MYBPC1: variants seen among roughly 807,000 people sequenced by gnomAD.
The protein encoded by MYBPC1 is myosin binding protein C1, also known as myosin-binding protein C, slow-type.
MYBPC1 carries 52 observed loss-of-function variants against 147.1 expected under a neutral mutation model. That is an observed-to-expected ratio of 0.35 (90% CI 0.28 to 0.45). The LOEUF (loss-of-function observed/expected upper bound fraction) is 0.45, where lower values mean the gene tolerates loss of function less well. Among genes scored for constraint, MYBPC1 ranks in the 20% least tolerant of loss-of-function variants. The pLI, the probability that MYBPC1 is intolerant of heterozygous loss-of-function variation, is 1.00. For synonymous variants in MYBPC1, 477 were observed against 475.9 expected (o/e 1.00, Z -0.03); for missense variants, 1,228 against 1,440.3 (o/e 0.85, Z 2.39).
Position 101,629,468 on chromosome 12 carries a change from A to G in MYBPC1, c.213A>G (p.Glu71=). Residue 71 remains glutamate (E), a synonymous_variant, in exon 6 of 32, where the codon GAA becomes GAG. Coordinates refer to ENST00000361466, the MANE Select transcript of MYBPC1 (RefSeq NM_002465.4). ...WTLVETPPGE[E]QAKQNANSQL... The stretch of plus-strand genomic sequence containing the variant: ...TTGTCGAAACTCCTCCTGGGGAGGA[A>G]CAAGCCAAGCAGAATGCCAACTCCC... 1.2e-6 allele frequency: 2 copies of G among 1,613,814 alleles called. No homozygotes were observed. Among genetic ancestry groups the G allele is most frequent in the African/African-American group, 2.7e-5 (2 of 74,912 alleles).
intron 31 of MYBPC1, 120 bp downstream of exon 31, chr12:101,684,544 C>T (rs1951235396): frequency 7.8e-6 from 6 of 767,526 alleles, no homozygotes; most frequent in Non-Finnish European, 1.1e-5. Context: ...ATTTTAAATC[C>T]CTAACTTTGT....
chr12:101,672,262 G>A (rs1350864235), intron 24 of MYBPC1, among the ~76,000 whole-genome samples: 1 of 152,124 alleles, frequency 6.6e-6, no homozygotes, highest in African/African-American at 2.4e-5. Context: ...GGTTTGGTGT[G>A]TAGCTCTACA....
At position 101,662,339 on chromosome 12, in the gene MYBPC1, T is replaced by C; in HGVS notation, c.2033-19T>C. Reference sequence around the variant, plus strand: ...AGAGACCAAGGAAAAACCTTAGTTTTCATTTTGCATACCTGCAGGATATTT... The same window carrying C: ...AGAGACCAAGGAAAAACCTTAGTTTCCATTTTGCATACCTGCAGGATATTT... On this transcript the variant is annotated intron_variant, in intron 20 of 31. Transcript: ENST00000361466. 4.3e-6 allele frequency: 7 copies of C among 1,613,664 alleles called. No individual in the cohort carries two copies. The highest frequency in any genetic ancestry group is 5.9e-6 in the Non-Finnish European group (7 of 1,179,706).
intron 24 of MYBPC1, among the ~76,000 whole-genome samples, chr12:101,671,389 G>A (rs1898693625): frequency 6.6e-6 from 1 of 151,628 alleles, no homozygotes; most frequent in African/African-American, 2.4e-5. Flanking sequence ...AGAGAACTCT[G>A]TTCAAACCCA....
intron 22 of MYBPC1, chr12:101,666,616 T>C: frequency 1.1e-6 from 1 of 946,912 alleles, no homozygotes; most frequent in South Asian, 1.3e-5. Context: ...CTTCCGTCAC[T>C]GCTCTGAGGA....
intron 28 of MYBPC1, among the ~76,000 whole-genome samples, chr12:101,679,559 G>C (rs1326922297): frequency 1.3e-5 from 2 of 152,180 alleles, no homozygotes; most frequent in Non-Finnish European, 1.5e-5. Context: ...ATGAGAGTGA[G>C]GAGTCACTGA....
intron 4 of MYBPC1, among the ~76,000 whole-genome samples, chr12:101,627,324 C>A (rs187865227): frequency 6.6e-6 from 1 of 152,202 alleles, no homozygotes; most frequent in Admixed American, 6.5e-5. Context: ...CTCACTGCAA[C>A]CTGTGCCTCC....
the MYBPC1 span, among the ~76,000 whole-genome samples, chr12:101,691,148 T>C: frequency 6.6e-6 from 1 of 152,204 alleles, no homozygotes; most frequent in Admixed American, 6.5e-5. Context: ...CTGGGCTCAC[T>C]GTATCTTCCG....
chr12:101,627,720 C>T (rs1032894223), intron 4 of MYBPC1, 49 bp from the exon 5 acceptor site: 3 of 1,599,662 alleles, frequency 1.9e-6, no homozygotes, highest in Non-Finnish European at 2.6e-6. Context: ...ACTCCATTTT[C>T]ATCCCCTTTC....
intron 3 of MYBPC1, among the ~76,000 whole-genome samples, chr12:101,618,085 A>T (rs1186350421): frequency 6.6e-6 from 1 of 152,216 alleles, no homozygotes; most frequent in Non-Finnish European, 1.5e-5. Context: ...CCTGACTGCA[A>T]CAAGAAGTTT....
At position 101,633,014 on chromosome 12, in the gene MYBPC1, T is replaced by G. The variant is rs189213423; in HGVS notation, c.556+876T>G. On this transcript the variant is annotated intron_variant, in intron 8 of 31. Transcript: ENST00000361466. ...CCTCCCAAAGGGCTGGGATTACAGG[T>G]GTGAGCCACTGTGCCCGGCCATGAA... Among the ~76,000 whole-genome samples, 412 of 152,296 alleles carry G rather than the reference T, an allele frequency of 2.7e-3. 2 individuals carry two copies. The highest frequency in any genetic ancestry group is 9.2e-3 in the African/African-American group (384 of 41,558).
At chr12:101,661,124 T>C in intron 19 of MYBPC1, 34 bp from the exon 20 acceptor site, 14 of 1,442,730 alleles carry the variant, frequency 9.7e-6, no homozygotes, top group Non-Finnish European at 1.4e-5. Context: ...CCCTCTTCCT[T>C]ATTTTACTTT....
chr12:101,689,687 G>A (rs1197105994), downstream of MYBPC1, among the ~76,000 whole-genome samples: 21 of 152,218 alleles, frequency 1.4e-4, no homozygotes. Context: ...TGGAATTATG[G>A]AAGCTGAGAC....
intron 1 of MYBPC1, among the ~76,000 whole-genome samples, chr12:101,602,004 ATAT>A (rs1880214361): frequency 6.6e-6 from 1 of 152,188 alleles, no homozygotes; most frequent in South Asian, 2.1e-4. Context: ...TGCATCTTAA[ATAT>A]TATGCATTAT....
At position 101,595,022 on chromosome 12, in the gene MYBPC1, A is replaced by G. The variant is rs1440297937; in HGVS notation, c.-49A>G. 2 of 1,594,846 alleles carry G rather than the reference A, an allele frequency of 1.3e-6. No individual in the cohort carries two copies. The highest frequency in any genetic ancestry group is 1.7e-6 in the Non-Finnish European group (2 of 1,163,574). ...CCTGCCTGTGGGGTTTCTGTCAACT[A>G]GTCGTGGAGGGAAGGAGACTCTTTA... On this transcript the variant is annotated 5_prime_UTR_variant, in exon 1 of 32. Coordinates refer to ENST00000361466, the MANE Select transcript of MYBPC1 (RefSeq NM_002465.4).
chr12:101,629,396 G>A (rs1565920656), intron 5 of MYBPC1, 38 bp from the exon 6 acceptor site: 2 of 1,382,182 alleles, frequency 1.4e-6, no homozygotes, highest in East Asian at 2.3e-5. Context: ...GAAGAGCCTG[G>A]CCCTGAAATA....
Position 101,668,832 on chromosome 12 carries a change from A to G in MYBPC1, c.2524+933A>G, listed in dbSNP as rs192192046. ...CTGAGCACAATGCCTCATGCCTGTAATTCCAGTATTTTGGGAGGCTGAGGC... is the reference window on the plus strand; with the variant it reads ...CTGAGCACAATGCCTCATGCCTGTAGTTCCAGTATTTTGGGAGGCTGAGGC... On this transcript the variant is annotated intron_variant, in intron 23 of 31. Coordinates refer to ENST00000361466, the MANE Select transcript of MYBPC1 (RefSeq NM_002465.4). Among the ~76,000 whole-genome samples the G allele has an allele frequency of 7.9e-5, 12 of 152,216 alleles. No homozygotes were observed. The East Asian group carries it at 2.3e-3, about 30-fold the overall frequency.
chr12:101,648,335 A>C (rs1565953768), intron 14 of MYBPC1, among the ~76,000 whole-genome samples, 185 bp downstream of exon 14: 1 of 152,216 alleles, frequency 6.6e-6, no homozygotes. Context: ...CATGAGACTG[A>C]AAAAAGAACC....
At chr12:101,639,978 C>T (rs562738677) in intron 10 of MYBPC1, among the ~76,000 whole-genome samples, 11 of 152,030 alleles carry the variant, frequency 7.2e-5, no homozygotes, top group Middle Eastern at 3.4e-3. Flanking sequence ...GGGAACACCC[C>T]GCAGAAAATA....
Sources: allele counts gnomAD v4.1 joint callset (sites outside exome capture counted in the v4.1 genomes callset), GRCh38; gene constraint gnomAD v4.1.1; transcripts MANE v1.5; gene names NCBI Gene and HGNC (gene_info 2026-07-23, HGNC 2026-07-21).